Variants in CHD3 observed in about 807,000 individuals in gnomAD.
The protein encoded by CHD3 is ATP-dependent chromatin remodeler CHD3.
Under a neutral mutation model 248.9 loss-of-function variants are expected in CHD3, and 52 were observed. The observed-to-expected ratio is 0.21, with a 90% CI of 0.17 to 0.26. The LOEUF is 0.26. Ranked by LOEUF, CHD3 falls within the 10% of genes least tolerant of loss-of-function variation. The pLI is 1.00. For synonymous variants in CHD3, 985 were observed against 985.2 expected, an observed-to-expected ratio of 1.00 and a Z score of 0.00; for missense variants, 1,482 against 2,605.8, an observed-to-expected ratio of 0.57 and a Z score of 9.39.
chr17:7,902,920 C>T lies in CHD3; in HGVS notation c.3371-17C>T. The T allele has an allele frequency of 6.2e-7, 1 of 1,613,630 alleles. No individual in the cohort carries two copies. Among genetic ancestry groups the T allele is most frequent in the Non-Finnish European group, 8.5e-7 (1 of 1,179,780 alleles). ...TACCGGGTACAAGAAAAACCTGATCCAACTCTCACCTCCTAGCTCCTGGGG... is the reference window on the plus strand; with the variant it reads ...TACCGGGTACAAGAAAAACCTGATCTAACTCTCACCTCCTAGCTCCTGGGG... On this transcript the variant is annotated splice_polypyrimidine_tract_variant and intron_variant, in intron 21 of 39. Transcript: ENST00000330494.
upstream of CHD3, among the ~76,000 whole-genome samples, chr17:7,888,453 G>A (rs1179579561): frequency 2.0e-5 from 3 of 152,206 alleles, no homozygotes; most frequent in African/African-American, 7.2e-5. Context: ...GTACTAGACA[G>A]GTCTGGCTGG....
Position 7,895,632 on chromosome 17 carries a change from A to T in CHD3, c.1707+90A>T, listed in dbSNP as rs1442793299. ...ACTCCTCTGTTTGTTGGGTTCCCATACTCTTTGTTTTCTCTCATTTCAGGC... is the reference window on the plus strand; with the variant it reads ...ACTCCTCTGTTTGTTGGGTTCCCATTCTCTTTGTTTTCTCTCATTTCAGGC... On this transcript the variant is annotated intron_variant, in intron 10 of 39. Transcript: ENST00000330494. This position sits in a 1 kb window ranked among gnomAD's most constrained non-coding sequence, Gnocchi z 4.9. The T allele has an allele frequency of 3.4e-6, 4 of 1,184,450 alleles. No individual in the cohort carries two copies. Among genetic ancestry groups the T allele is most frequent in the Non-Finnish European group, 1.2e-6 (1 of 819,242 alleles). The allele number at this position is 1,184,450 out of a possible 1,614,324, so 73.4% of individuals were successfully genotyped here.
upstream of CHD3, among the ~76,000 whole-genome samples, chr17:7,888,215 TAGA>T (rs564286378): frequency 1.6e-4 from 25 of 152,256 alleles, 1 homozygote; most frequent in East Asian, 4.8e-3. Context: ...CACACAGTCC[TAGA>T]GTGTCTTCCT....
chr17:7,907,279 G>A lies in CHD3; in HGVS notation c.4788+32G>A, dbSNP rs775437092. The A allele has an allele frequency of 9.9e-6, 16 of 1,613,868 alleles. No homozygotes were observed. The highest frequency in any genetic ancestry group is 8.0e-5 in the African/African-American group (6 of 74,922). On this transcript the variant is annotated intron_variant, in intron 31 of 39. Coordinates refer to ENST00000330494, the MANE Select transcript of CHD3 (RefSeq NM_001005273.3). The surrounding 1 kb of genome is among the most constrained non-coding windows in gnomAD (Gnocchi z 4.3). ...GGCTCCCTGGATTCCCCTGTGGAGC[G>A]GGAGGGGAGGGGGCTTGGAGGCCAG...
Position 7,900,287 on chromosome 17 carries a change from T to C in CHD3, c.2683-3T>C. On this transcript the variant is annotated splice_polypyrimidine_tract_variant and splice_region_variant and intron_variant, in intron 16 of 39. Coordinates refer to ENST00000330494, the MANE Select transcript of CHD3 (RefSeq NM_001005273.3). The surrounding 1 kb of genome is among the most constrained non-coding windows in gnomAD (Gnocchi z 6.5). The stretch of plus-strand genomic sequence containing the variant: ...TCCTGCCTTGCCTTGCCCCATCTTT[T>C]AGTTTTTCAGGGTTCTCAATGGTTA... 1 of 1,614,158 alleles carries C rather than the reference T, an allele frequency of 6.2e-7. No individual in the cohort carries two copies. Among genetic ancestry groups the C allele is most frequent in the Non-Finnish European group, 8.5e-7 (1 of 1,180,030 alleles).
At chr17:7,885,221 C>T (rs1967614288), upstream of CHD3, 1 of 838,668 alleles carries the variant, frequency 1.2e-6, no homozygotes, top group Non-Finnish European at 1.4e-6. Flanking sequence ...GGCCCGTGGC[C>T]CCGCGGCGGT....
rs775142325 is a variant in CHD3 at position 7,906,648 on chromosome 17, G to T, written c.4454G>T (p.Arg1485Leu). The change falls in exon 29 of 40, where the codon CGC becomes CTC. Residue 1485 changes from arginine (R) to leucine (L), a missense_variant. Around this residue, in one of 20 missense-constraint regions of CHD3, gnomAD observed 156 missense variants for 420.3 expected, o/e 0.37. Coordinates refer to ENST00000330494, the MANE Select transcript of CHD3 (RefSeq NM_001005273.3). This position sits in a 1 kb window ranked among gnomAD's most constrained non-coding sequence, Gnocchi z 5.0. ...GGGGTCCCTCGGGAGGGACTGAGTCGCCAGCAGGTGTTGACCCGCATTGGA... is the reference window on the plus strand; with the variant it reads ...GGGGTCCCTCGGGAGGGACTGAGTCTCCAGCAGGTGTTGACCCGCATTGGA... ...ADGVPREGLS[R>L]QQVLTRIGVM... 2.5e-6 allele frequency: 4 copies of T among 1,613,170 alleles called. No homozygotes were observed. The highest frequency in any genetic ancestry group is 2.7e-5 in the African/African-American group (2 of 74,832).
chr17:7,907,229 G>T lies in CHD3; in HGVS notation c.4770G>T (p.Gly1590=), dbSNP rs767952562. 5 of 1,614,224 alleles carry T rather than the reference G, an allele frequency of 3.1e-6. No individual in the cohort carries two copies. The highest frequency in any genetic ancestry group is 4.2e-6 in the Non-Finnish European group (5 of 1,180,038). ...AGCCAGAGAAGAACAGCAGAATTGG[G>T]GAGAAGATGGAGACAGAGGTGTGTG... The part of the protein sequence containing the change: ...EEKPEKNSRI[G]EKMETEADAP... Residue 1590 remains glycine (G), a synonymous_variant, in exon 31 of 40, where the codon GGG becomes GGT. Transcript: ENST00000330494. The surrounding 1 kb of genome is among the most constrained non-coding windows in gnomAD (Gnocchi z 4.3).
chr17:7,909,129 C>T lies in CHD3; in HGVS notation c.5395-14C>T. 6.4e-7 allele frequency: 1 copy of T among 1,552,900 alleles called. No homozygotes were observed. The highest frequency in any genetic ancestry group is 2.4e-5 in the East Asian group (1 of 41,354). On this transcript the variant is annotated splice_polypyrimidine_tract_variant and intron_variant, in intron 36 of 39. Coordinates refer to ENST00000330494, the MANE Select transcript of CHD3 (RefSeq NM_001005273.3). The surrounding 1 kb of genome is among the most constrained non-coding windows in gnomAD (Gnocchi z 8.1). ...GCAGAGCCCTACCTTCACCTCCCAACTCTGTGCCCTCAGCTCCTGGAGCAG... is the reference window on the plus strand; with the variant it reads ...GCAGAGCCCTACCTTCACCTCCCAATTCTGTGCCCTCAGCTCCTGGAGCAG...
rs1385420740 is a variant in CHD3, at chr17:7,897,089, A to G, written c.1714A>G (p.Ile572Val). Reference protein sequence around the residue: ...CSWAKELQLEIFHLVMYRNYQ... With the variant: ...CSWAKELQLEVFHLVMYRNYQ... ...TTTTTCTGTGCCCTGCTAGCTGGAA[A>G]TCTTCCATTTGGTTATGTATCGAAA... Residue 572 changes from isoleucine (I) to valine (V), a missense_variant, in exon 11 of 40, where the codon ATC becomes GTC. Around this residue, in one of 20 missense-constraint regions of CHD3, gnomAD observed 14 missense variants for 58.6 expected, o/e 0.24. Coordinates refer to ENST00000330494, the MANE Select transcript of CHD3 (RefSeq NM_001005273.3). The surrounding 1 kb of genome is among the most constrained non-coding windows in gnomAD (Gnocchi z 4.8). 1.9e-6 allele frequency: 3 copies of G among 1,613,946 alleles called. No individual in the cohort carries two copies. The highest frequency in any genetic ancestry group is 1.1e-5 in the South Asian group (1 of 91,068).
Position 7,904,721 on chromosome 17 carries a change from C to A in CHD3, c.4072+102C>A. On this transcript the variant is annotated intron_variant, in intron 25 of 39. Coordinates refer to ENST00000330494, the MANE Select transcript of CHD3 (RefSeq NM_001005273.3). This position sits in a 1 kb window ranked among gnomAD's most constrained non-coding sequence, Gnocchi z 4.4. Reference sequence around the variant, plus strand: ...GAGGGAAAGAGAGAAGCCTAGAAGTCAGAGCCTTCCTCTGCTAAAAGGGAA... The same window carrying A: ...GAGGGAAAGAGAGAAGCCTAGAAGTAAGAGCCTTCCTCTGCTAAAAGGGAA... The A allele has an allele frequency of 9.2e-7, 1 of 1,086,080 alleles. No homozygotes were observed. The highest frequency in any genetic ancestry group is 1.3e-6 in the Non-Finnish European group (1 of 760,826). 67.3% of individuals were successfully genotyped at this position (1,086,080 alleles called of 1,614,324 possible).
At position 7,905,737 on chromosome 17, in the gene CHD3, T is replaced by C. The variant is rs1970848606; in HGVS notation, c.4224+31T>C. On this transcript the variant is annotated intron_variant, in intron 27 of 39. Coordinates refer to ENST00000330494, the MANE Select transcript of CHD3 (RefSeq NM_001005273.3). The surrounding 1 kb of genome is among the most constrained non-coding windows in gnomAD (Gnocchi z 5.8). ...AGCTGGGCCCAGTGTTCCTGAGTTC[T>C]CCAAGAGGGCATGAGGGCAGGAGGT... 1.9e-6 allele frequency: 3 copies of C among 1,613,028 alleles called. No individual in the cohort carries two copies. The African/African-American group carries it at 4.0e-5, about 22-fold the overall frequency.
chr17:7,910,118 G>A lies in CHD3; in HGVS notation c.5591-310G>A, dbSNP rs567098669. The A allele has an allele frequency of 2.8e-6, 1 of 360,912 alleles. No individual in the cohort carries two copies. The highest frequency in any genetic ancestry group is 5.0e-6 in the Non-Finnish European group (1 of 199,934). 22.4% of individuals were successfully genotyped at this position (360,912 alleles called of 1,614,324 possible). ...TGTTCTGACAACTCCCCGCCCCCAT[G>A]TCTTCCAATGTCCCCCCATCTTCCT... On this transcript the variant is annotated intron_variant, in intron 37 of 39. Coordinates refer to ENST00000330494, the MANE Select transcript of CHD3 (RefSeq NM_001005273.3). The surrounding 1 kb of genome is among the most constrained non-coding windows in gnomAD (Gnocchi z 4.7).
chr17:7,910,401 CTTCT>C lies in CHD3; in HGVS notation c.5591-22_5591-19del. The C allele has an allele frequency of 6.2e-7, 1 of 1,614,028 alleles. No individual in the cohort carries two copies. Reference sequence around the variant, plus strand: ...TGTATTTCCCTGTCTTTCTCTTGCCCTTCTTTCTCTGTGGCCCGGGCCCCAGTTC... The same window carrying C: ...TGTATTTCCCTGTCTTTCTCTTGCCCTTCTCTGTGGCCCGGGCCCCAGTTC... On this transcript the variant is annotated intron_variant, in intron 37 of 39. Coordinates refer to ENST00000330494, the MANE Select transcript of CHD3 (RefSeq NM_001005273.3). The surrounding 1 kb of genome is among the most constrained non-coding windows in gnomAD (Gnocchi z 4.7).
In CHD3 at chr17:7,910,153, G is replaced by C; in HGVS notation, c.5591-275G>C. 1.2e-5 allele frequency: 5 copies of C among 422,786 alleles called. No homozygotes were observed. The highest frequency in any genetic ancestry group is 6.6e-5 in the South Asian group (2 of 30,286). The allele number at this position is 422,786 out of a possible 1,614,324, so 26.2% of individuals were successfully genotyped here. On this transcript the variant is annotated intron_variant, in intron 37 of 39. Coordinates refer to ENST00000330494, the MANE Select transcript of CHD3 (RefSeq NM_001005273.3). This position sits in a 1 kb window ranked among gnomAD's most constrained non-coding sequence, Gnocchi z 4.7. ...GTCCCCCCATCTTCCTTTCCTCCAT[G>C]CTCCCTTTTTCTTTCTTCTTTCTCT...
At position 7,910,864 on chromosome 17, in the gene CHD3, C is replaced by T. The variant is rs1443212031; in HGVS notation, c.5772C>T (p.Pro1924=). 1.2e-6 allele frequency: 2 copies of T among 1,608,470 alleles called. No individual in the cohort carries two copies. The highest frequency in any genetic ancestry group is 3.5e-5 in the Admixed American group (2 of 57,884). ...PHPTPAYPPG[P]YATPPGYGAA... ...TGTTCCAGGCCTACCCGCCGGGTCC[C>T]TACGCTACACCTCCGGGGTACGGGG... is the stretch of plus-strand genomic sequence containing the variant. The change falls in exon 39 of 40, where the codon CCC becomes CCT. Residue 1924 remains proline, a synonymous_variant. Coordinates refer to ENST00000330494, the MANE Select transcript of CHD3 (RefSeq NM_001005273.3). This position sits in a 1 kb window ranked among gnomAD's most constrained non-coding sequence, Gnocchi z 4.7.
chr17:7,912,107 C>A lies in CHD3; in HGVS notation c.*522C>A. On this transcript the variant is annotated 3_prime_UTR_variant, in exon 40 of 40. Transcript: ENST00000330494. ...AGGAGGGGTGGCTGCATGTTACCGT[C>A]CCCTACCTCTCCCCACGTGGAGGGT... 4.1e-6 allele frequency: 1 copy of A among 245,952 alleles called. No homozygotes were observed. The highest frequency in any genetic ancestry group is 4.4e-5 in the South Asian group (1 of 22,882). The allele number at this position is 245,952 out of a possible 1,614,324, so 15.2% of individuals were successfully genotyped here.
upstream of CHD3, chr17:7,885,049 ACCGCTGCCCCCGCCG>A (rs1967552338): frequency 2.9e-6 from 3 of 1,019,404 alleles, no homozygotes; most frequent in South Asian, 4.6e-5. Flanking sequence ...CGCCGCCGCC[ACCGCTGCCCCCGCCG>A]CCGCCGCCCC....
rs62062523 is a variant in CHD3 at position 7,897,412 on chromosome 17, C to T, written c.1919+118C>T. ...GTAATTGATCTAACCTTGATAACCTCTGCTGTAGCTCCAGCCTTTCTGGCC... is the reference window on the plus strand; with the variant it reads ...GTAATTGATCTAACCTTGATAACCTTTGCTGTAGCTCCAGCCTTTCTGGCC... On this transcript the variant is annotated intron_variant, in intron 11 of 39. Transcript: ENST00000330494. This position sits in a 1 kb window ranked among gnomAD's most constrained non-coding sequence, Gnocchi z 4.8. 386 of 882,728 alleles carry T rather than the reference C, an allele frequency of 4.4e-4. 1 individual carries two copies. The highest frequency in any genetic ancestry group is 5.7e-4 in the Non-Finnish European group (325 of 570,766). 54.7% of individuals were successfully genotyped at this position (882,728 alleles called of 1,614,324 possible). A position where few individuals can be genotyped will look rare whatever the true frequency, so the allele number is the denominator to read the frequency against.
Sources: allele counts gnomAD v4.1 joint callset (sites outside exome capture counted in the v4.1 genomes callset), GRCh38; gene constraint gnomAD v4.1.1; regional missense constraint gnomAD v4.1.1; non-coding constraint Gnocchi (gnomAD v3.1); transcripts MANE v1.5; gene names NCBI Gene and HGNC (gene_info 2026-07-23, HGNC 2026-07-21).